RBFOX1: variants seen among roughly 807,000 people sequenced by gnomAD.
The protein encoded by RBFOX1 is RNA binding fox-1 homolog 1, also known as RNA binding protein fox-1 homolog 1.
RBFOX1 carries 8 observed loss-of-function variants against 57.7 expected under a neutral mutation model. The observed-to-expected ratio is 0.14, with a 90% CI of 0.08 to 0.25. The LOEUF is 0.25. Ranked by LOEUF, RBFOX1 falls within the 10% of genes least tolerant of loss-of-function variation. The pLI, the probability that RBFOX1 is intolerant of heterozygous loss-of-function variation, is 1.00. For synonymous variants in RBFOX1, 326 were observed against 222.4 expected (o/e 1.47, Z -4.15); for missense variants, 611 against 548.5 (o/e 1.11, Z -1.14).
chr16:5,731,824 AAT>A (rs1374647658), intron 3 of RBFOX1, among the ~76,000 whole-genome samples: 3 of 152,164 alleles, frequency 2.0e-5, no homozygotes, highest in Admixed American at 1.3e-4. Context: ...AGTGGTTTCT[AAT>A]ATGTGTCTTT....
intron 4 of RBFOX1, among the ~76,000 whole-genome samples, chr16:5,902,744 T>A (rs1015629440): frequency 8.5e-5 from 13 of 152,080 alleles, no homozygotes; most frequent in Non-Finnish European, 1.8e-4. Flanking sequence ...CAAGAAGCCT[T>A]CATCAATCTC....
At chr16:6,496,143 A>G (rs576282920) in intron 2 of RBFOX1, among the ~76,000 whole-genome samples, 41 of 151,868 alleles carry the variant, frequency 2.7e-4, no homozygotes, top group African/African-American at 1.0e-3. Context: ...GAATTTGGAA[A>G]GGCATGGCTT....
At chr16:6,904,599 T>TGAAAAAAAA (rs1366471899) in intron 3 of RBFOX1, among the ~76,000 whole-genome samples, 1 of 64,004 alleles carries the variant, frequency 1.6e-5, no homozygotes, top group Non-Finnish European at 2.8e-5. Context: ...AGACTCTCTC[T>TGAAAAAAAA]AAAAAAAAAA....
At chr16:5,758,531 C>T (rs536704159) in intron 3 of RBFOX1, among the ~76,000 whole-genome samples, 2 of 152,294 alleles carry the variant, frequency 1.3e-5, no homozygotes, top group African/African-American at 4.8e-5. Context: ...TGAGCCATTT[C>T]TGTGAAGTTG....
chr16:7,498,685 G>C (rs775540130), intron 4 of RBFOX1, among the ~76,000 whole-genome samples: 1 of 152,102 alleles, frequency 6.6e-6, no homozygotes, highest in Non-Finnish European at 1.5e-5. Flanking sequence ...GCCATGTACA[G>C]TACGCGTCAT....
chr16:6,272,870 T>C (rs1407114348), intron 1 of RBFOX1, among the ~76,000 whole-genome samples: 1 of 152,122 alleles, frequency 6.6e-6, no homozygotes, highest in African/African-American at 2.4e-5. Context: ...CTAGAGAAAC[T>C]GGGAATTCTT....
chr16:7,316,335 T>G (rs1437788674), intron 4 of RBFOX1, among the ~76,000 whole-genome samples: 1 of 152,240 alleles, frequency 6.6e-6, no homozygotes, highest in Non-Finnish European at 1.5e-5. Context: ...GTTTGTATAA[T>G]CTTCCTAACA....
chr16:7,196,465 C>T (rs2086719407), intron 4 of RBFOX1, among the ~76,000 whole-genome samples: 1 of 152,160 alleles, frequency 6.6e-6, no homozygotes, highest in Admixed American at 6.5e-5. Flanking sequence ...AGTGTAGGTA[C>T]CCAAAGGTCC....
At chr16:7,272,471 A>G (rs1292362543) in intron 4 of RBFOX1, among the ~76,000 whole-genome samples, 1 of 152,232 alleles carries the variant, frequency 6.6e-6, no homozygotes, top group Non-Finnish European at 1.5e-5. Context: ...GGCATCAGCC[A>G]CCATGCCTGG....
chr16:7,360,918 G>A (rs954620864), intron 4 of RBFOX1, among the ~76,000 whole-genome samples: 1 of 152,184 alleles, frequency 6.6e-6, no homozygotes, highest in Non-Finnish European at 1.5e-5. Flanking sequence ...TATCCTTGGA[G>A]AGTCTCATCC....
At chr16:6,838,009 T>A (rs7199576) in intron 3 of RBFOX1, among the ~76,000 whole-genome samples, 1 of 71,494 alleles carries the variant, frequency 1.4e-5, no homozygotes. Flanking sequence ...TTACCACCCC[T>A]TTTTTTTTTT....
At chr16:6,245,700 A>T (rs1486814715) in intron 1 of RBFOX1, among the ~76,000 whole-genome samples, 1 of 152,166 alleles carries the variant, frequency 6.6e-6, no homozygotes, top group Non-Finnish European at 1.5e-5. Context: ...TTCTTTCTTC[A>T]TGAAGCAGGG....
At chr16:6,286,451 A>G (rs1369311036) in intron 1 of RBFOX1, among the ~76,000 whole-genome samples, 4 of 152,230 alleles carry the variant, frequency 2.6e-5, no homozygotes, top group Non-Finnish European at 4.4e-5. Flanking sequence ...GTCTCTGAGC[A>G]TCCCTCTCCT....
intron 2 of RBFOX1, among the ~76,000 whole-genome samples, chr16:6,558,068 C>T (rs1182231816): frequency 2.0e-5 from 3 of 152,248 alleles, no homozygotes; most frequent in Non-Finnish European, 4.4e-5. Context: ...TTAAGGCTCT[C>T]TATGTTAGTC....
chr16:6,796,931 T>C (rs1174427631), intron 3 of RBFOX1, among the ~76,000 whole-genome samples: 4 of 152,152 alleles, frequency 2.6e-5, no homozygotes, highest in Non-Finnish European at 4.4e-5. Flanking sequence ...CATCTCAAAT[T>C]GGAAATCATT....
intron 1 of RBFOX1, among the ~76,000 whole-genome samples, chr16:6,249,306 C>G (rs2097588240): frequency 6.6e-6 from 1 of 152,122 alleles, no homozygotes; most frequent in African/African-American, 2.4e-5. Flanking sequence ...GCAGATGGAT[C>G]ACGAGGTCAG....
At chr16:5,983,069 A>T (rs1333056156) in intron 4 of RBFOX1, among the ~76,000 whole-genome samples, 2 of 152,116 alleles carry the variant, frequency 1.3e-5, no homozygotes, top group Admixed American at 1.3e-4. Flanking sequence ...TGCAGCTCTG[A>T]CTCAAGAGTG....
intron 3 of RBFOX1, among the ~76,000 whole-genome samples, chr16:7,044,043 G>A (rs149275441): frequency 6.6e-6 from 1 of 152,142 alleles, no homozygotes; most frequent in African/African-American, 2.4e-5. Context: ...TCTCTGTATT[G>A]TAATTATCCA....
At chr16:6,598,314 G>C (rs1206479622) in intron 2 of RBFOX1, among the ~76,000 whole-genome samples, 1 of 152,030 alleles carries the variant, frequency 6.6e-6, no homozygotes, top group Non-Finnish European at 1.5e-5. Flanking sequence ...TCTTTTAAAA[G>C]ACTGCATGTT....
Sources: allele counts gnomAD v4.1 joint callset (sites outside exome capture counted in the v4.1 genomes callset), GRCh38; gene constraint gnomAD v4.1.1; transcripts MANE v1.5; gene names NCBI Gene and HGNC (gene_info 2026-07-23, HGNC 2026-07-21).